Variants in DEUP1 observed in about 807,000 individuals in gnomAD.
DEUP1 encodes the protein coiled-coil domain containing 67.
Under a neutral mutation model 87.4 loss-of-function variants are expected in DEUP1, and 82 were observed. The observed-to-expected ratio is 0.94, with a 90% CI of 0.78 to 1.13. DEUP1 has a LOEUF of 1.13. DEUP1 is among the 50% of genes most tolerant of loss of function. The pLI, the probability that DEUP1 is intolerant of heterozygous loss-of-function variation, is 0.00. For missense variants in DEUP1, 663 were observed against 681.5 expected, an observed-to-expected ratio of 0.97 and a Z score of 0.30; for synonymous variants, 214 against 222.7, an observed-to-expected ratio of 0.96 and a Z score of 0.35.
chr11:93,417,724 T>A (rs1947696007), intron 13 of DEUP1, among the ~76,000 whole-genome samples: 1 of 148,482 alleles, frequency 6.7e-6, no homozygotes, highest in African/African-American at 2.5e-5. Flanking sequence ...CATCGCCAAG[T>A]CAATCCTAAG....
chr11:93,415,007 C>A lies in DEUP1; in HGVS notation c.1531C>A (p.His511Asn), dbSNP rs1308712782. 8.3e-6 allele frequency: 13 copies of A among 1,560,218 alleles called. No individual in the cohort carries two copies. The East Asian group carries it at 2.7e-4, about 33-fold the overall frequency. Residue 511 changes from histidine (H) to asparagine (N), a missense_variant, in exon 13 of 14, where the codon CAT becomes AAT. His to Asn is a moderately conservative substitution (Grantham distance 68). Coordinates refer to ENST00000298050, the MANE Select transcript of DEUP1 (RefSeq NM_181645.4). ...CCATTTCTTCTCTTTTAGACTTAGT[C>A]ATGACTGTGAGCCAAACAGAAGTAC... Reference protein sequence around the residue: ...KVEQNEERLSHDCEPNRSTMP... With the variant: ...KVEQNEERLSNDCEPNRSTMP...
Position 93,437,890 on chromosome 11 carries a change from T to C in DEUP1, c.*171T>C. ...TAGTAAGTATTTTGTTCTATAAAGC[T>C]GTTCACATTTCTGCATTAACATGCT... On this transcript the variant is annotated 3_prime_UTR_variant, in exon 14 of 14. Coordinates refer to ENST00000298050, the MANE Select transcript of DEUP1 (RefSeq NM_181645.4). 2.0e-6 allele frequency: 1 copy of C among 507,320 alleles called. No homozygotes were observed. The allele number at this position is 507,320 out of a possible 1,614,324, so 31.4% of individuals were successfully genotyped here.
chr11:93,384,385 T>G (rs1240838330), intron 7 of DEUP1, among the ~76,000 whole-genome samples: 1 of 152,202 alleles, frequency 6.6e-6, no homozygotes, highest in Non-Finnish European at 1.5e-5. Flanking sequence ...CATTCCATCT[T>G]CCTTCCTTCC....
chr11:93,330,405 A>G (rs74496707), upstream of DEUP1, among the ~76,000 whole-genome samples: 929 of 152,282 alleles, frequency 6.1e-3, 11 homozygotes, highest in African/African-American at 0.021. Flanking sequence ...ACAAAGAGGA[A>G]AGGACCCAGA....
chr11:93,359,679 C>G (rs1360025759), intron 4 of DEUP1, among the ~76,000 whole-genome samples: 1 of 152,108 alleles, frequency 6.6e-6, no homozygotes, highest in Non-Finnish European at 1.5e-5. Context: ...AGCCAAAAGA[C>G]CAGAAGAGAG....
intron 13 of DEUP1, among the ~76,000 whole-genome samples, chr11:93,427,167 G>A (rs1947948132): frequency 6.6e-6 from 1 of 150,794 alleles, no homozygotes; most frequent in South Asian, 2.1e-4. Context: ...ACATCGCCAA[G>A]TCAATCCTAA....
chr11:93,387,223 G>T (rs1946601378), intron 8 of DEUP1, among the ~76,000 whole-genome samples: 2 of 152,076 alleles, frequency 1.3e-5, no homozygotes, highest in South Asian at 4.1e-4. Context: ...TCCACTAAAA[G>T]AGTCTAATTT....
At chr11:93,437,447 G>A in intron 13 of DEUP1, 96 bp from the exon 14 acceptor site, 3 of 890,702 alleles carry the variant, frequency 3.4e-6, no homozygotes. Context: ...GAGCTGCGGT[G>A]TTTGACAGTA....
At chr11:93,365,759 T>G (rs1305887796) in intron 5 of DEUP1, among the ~76,000 whole-genome samples, 1 of 152,210 alleles carries the variant, frequency 6.6e-6, no homozygotes, top group Admixed American at 6.5e-5. Flanking sequence ...AGATATACAG[T>G]TTAACTTGAA....
At chr11:93,430,161 C>A (rs1226614143) in intron 13 of DEUP1, among the ~76,000 whole-genome samples, 1 of 152,120 alleles carries the variant, frequency 6.6e-6, no homozygotes. Context: ...CTACTGTTTC[C>A]CAGCCTGTTT....
chr11:93,371,199 G>T lies in DEUP1; in HGVS notation c.708G>T (p.Glu236Asp), dbSNP rs1010930677. 3.1e-6 allele frequency: 5 copies of T among 1,612,986 alleles called. No individual in the cohort carries two copies. The highest frequency in any genetic ancestry group is 4.2e-6 in the Non-Finnish European group (5 of 1,179,450). Reference protein sequence around the residue: ...IIEKLKSAVNEIALSRNKLQD... With the variant: ...IIEKLKSAVNDIALSRNKLQD... ...AAAAACTGAAATCAGCTGTAAATGA[G>T]ATAGCACTAAGCAGGAATAAATTAC... The change falls in exon 7 of 14, where the codon GAG becomes GAT. Residue 236 changes from glutamate (E) to aspartate (D), a missense_variant. Physicochemically the swap from Glu to Asp is conservative, Grantham distance 45 (BLOSUM62 2). Coordinates refer to ENST00000298050, the MANE Select transcript of DEUP1 (RefSeq NM_181645.4).
chr11:93,390,942 C>T (rs1425937462), intron 9 of DEUP1, among the ~76,000 whole-genome samples: 14 of 151,974 alleles, frequency 9.2e-5, no homozygotes, highest in African/African-American at 3.1e-4. Flanking sequence ...ATTAGCTGGG[C>T]GCGGTGGCAG....
chr11:93,402,173 T>C (rs947252393), intron 11 of DEUP1, among the ~76,000 whole-genome samples: 1 of 151,746 alleles, frequency 6.6e-6, no homozygotes, highest in South Asian at 2.1e-4. Flanking sequence ...AAAAAAATAA[T>C]TTGATTTAAT....
chr11:93,360,231 A>G (rs934727745), intron 4 of DEUP1, among the ~76,000 whole-genome samples: 7 of 152,196 alleles, frequency 4.6e-5, no homozygotes, highest in African/African-American at 1.7e-4. Flanking sequence ...CTCCCATTGG[A>G]TACCAACTGA....
At chr11:93,404,555 G>A (rs533338077) in intron 11 of DEUP1, among the ~76,000 whole-genome samples, 7 of 152,130 alleles carry the variant, frequency 4.6e-5, no homozygotes, top group African/African-American at 1.7e-4. Context: ...ATTAAAGCCA[G>A]TCTTTCTGTC....
At chr11:93,369,177 T>C (rs1343683352) in intron 5 of DEUP1, among the ~76,000 whole-genome samples, 1 of 152,126 alleles carries the variant, frequency 6.6e-6, no homozygotes, top group African/African-American at 2.4e-5. Flanking sequence ...AAATCTCTCA[T>C]AGCTCTTCTT....
intron 13 of DEUP1, among the ~76,000 whole-genome samples, chr11:93,433,716 C>T (rs532909613): frequency 4.5e-4 from 69 of 152,066 alleles, no homozygotes; most frequent in Middle Eastern, 6.8e-3. Context: ...AGCGATTTAC[C>T]GAGGGAGTAT....
rs1316371700 is a variant in DEUP1, at chr11:93,401,891, C to G, written c.1326+5566C>G. Among the ~76,000 whole-genome samples the G allele has an allele frequency of 4.6e-5, 7 of 151,944 alleles. 1 individual carries two copies. The South Asian group carries it at 1.5e-3, about 32-fold the overall frequency. ...GAAGACTTAAATCTAAGACAGGAAA[C>G]TATGAAACTACTAAAAGAAGACATT... On this transcript the variant is annotated intron_variant, in intron 11 of 13. Transcript: ENST00000298050.
chr11:93,433,952 G>A (rs1442027490), intron 13 of DEUP1, among the ~76,000 whole-genome samples: 1 of 152,180 alleles, frequency 6.6e-6, no homozygotes, highest in Admixed American at 6.5e-5. Flanking sequence ...ATGGGCAGAG[G>A]AGGGACTGCA....
Sources: allele counts gnomAD v4.1 joint callset (sites outside exome capture counted in the v4.1 genomes callset), GRCh38; gene constraint gnomAD v4.1.1; transcripts MANE v1.5; gene names NCBI Gene and HGNC (gene_info 2026-07-23, HGNC 2026-07-21).